PNPLA2: variants seen among roughly 807,000 people sequenced by gnomAD.
The protein encoded by PNPLA2 is patatin-like phospholipase domain-containing protein 2.
Under a neutral mutation model 39.7 loss-of-function variants are expected in PNPLA2, and 28 were observed. The observed-to-expected ratio is 0.70, with a 90% CI of 0.52 to 0.97. PNPLA2 has a LOEUF of 0.97. Ranked by LOEUF, PNPLA2 falls within the 50% of genes least tolerant of loss-of-function variation. The pLI is 0.00. For synonymous variants in PNPLA2, 392 were observed against 321.1 expected (o/e 1.22, Z -2.36); for missense variants, 768 against 698.2 (o/e 1.10, Z -1.13).
In PNPLA2 at chr11:819,688, C is replaced by T. The variant is rs371274033; in HGVS notation, c.-31C>T. 79 of 1,471,168 alleles carry T rather than the reference C, an allele frequency of 5.4e-5. 2 individuals are homozygous for T. In the East Asian group the frequency reaches 7.5e-4, roughly 14 times the overall value. The allele number at this position is 1,471,168 out of a possible 1,614,324, so 91.1% of individuals were successfully genotyped here. A position where few individuals can be genotyped will look rare whatever the true frequency, so the allele number is the denominator to read the frequency against. ...CGGCTCACAGAGGCCTGGCCGCCCACGGAACCCGGGGCCCGGCGGCCGCCG... is the reference window on the plus strand; with the variant it reads ...CGGCTCACAGAGGCCTGGCCGCCCATGGAACCCGGGGCCCGGCGGCCGCCG... On this transcript the variant is annotated 5_prime_UTR_variant, in exon 2 of 10. In the 5' UTR this introduces an upstream ATG that the reference lacks. Transcript: ENST00000336615.
Position 819,892 on chromosome 11 carries a change from C to T in PNPLA2, c.174C>T (p.Thr58=), listed in dbSNP as rs1446659947. Residue 58 remains threonine, a synonymous_variant, in exon 2 of 10, where the codon ACC becomes ACT. Coordinates refer to ENST00000336615, the MANE Select transcript of PNPLA2 (RefSeq NM_020376.4). ...AGALTATALV[T]GVCLGEAGAK... The stretch of plus-strand genomic sequence containing the variant: ...CGCTCACGGCCACGGCGCTGGTCAC[C>T]GGGGTCTGCCTGGGTGAGCGGGGCC... The T allele has an allele frequency of 4.9e-6, 7 of 1,423,048 alleles. No homozygotes were observed. Among genetic ancestry groups the T allele is most frequent in the Admixed American group, 2.8e-5 (1 of 35,476 alleles). The allele number at this position is 1,423,048 out of a possible 1,614,324, so 88.2% of individuals were successfully genotyped here.
In PNPLA2 at chr11:819,628, C is replaced by G; in HGVS notation, c.-91C>G. The G allele has an allele frequency of 7.5e-7, 1 of 1,332,608 alleles. No homozygotes were observed. Among genetic ancestry groups the G allele is most frequent in the Admixed American group, 3.5e-5 (1 of 28,678 alleles). 82.5% of individuals were successfully genotyped at this position (1,332,608 alleles called of 1,614,324 possible). A position where few individuals can be genotyped will look rare whatever the true frequency, so the allele number is the denominator to read the frequency against. The stretch of plus-strand genomic sequence containing the variant: ...AGCTAGAGCCGCAGCGGGACCTGCC[C>G]GGCCCCCGGCTCCAGCGAGCGAGCG... On this transcript the variant is annotated 5_prime_UTR_variant, in exon 2 of 10. Transcript: ENST00000336615.
chr11:819,526 G>A lies in PNPLA2; in HGVS notation c.-145-48G>A, dbSNP rs543276875. The stretch of plus-strand genomic sequence containing the variant: ...GTCTTCGTGTGCCGGCCCCGCCCCC[G>A]CCGTGAGTCCCACACTTAAAAGCGC... On this transcript the variant is annotated intron_variant, in intron 1 of 9. Coordinates refer to ENST00000336615, the MANE Select transcript of PNPLA2 (RefSeq NM_020376.4). 782 of 1,264,470 alleles carry A rather than the reference G, an allele frequency of 6.2e-4. 3 individuals carry two copies. The African/African-American group carries it at 0.011, about 18-fold the overall frequency. 78.3% of individuals were successfully genotyped at this position (1,264,470 alleles called of 1,614,324 possible).
chr11:820,009 A>G (rs1440598264), intron 2 of PNPLA2, 104 bp downstream of exon 2: 1 of 895,678 alleles, frequency 1.1e-6, no homozygotes, highest in African/African-American at 1.8e-5. Context: ...GTCGGTGGGT[A>G]CCGTGGGGAG....
intron 5 of PNPLA2, 25 bp from the exon 6 acceptor site, chr11:823,502 C>T: frequency 6.3e-7 from 1 of 1,595,692 alleles, no homozygotes. Context: ...GCTCCCTCCG[C>T]TCCATTTAAC....
Position 822,021 on chromosome 11 carries a change from G to A in PNPLA2, c.484G>A (p.Val162Met). The A allele has an allele frequency of 6.2e-7, 1 of 1,613,596 alleles. No homozygotes were observed. Among genetic ancestry groups the A allele is most frequent in the Non-Finnish European group, 8.5e-7 (1 of 1,179,750 alleles). ...GCTCATCCCTCCCTCCCTCCAGGGGGTGGTGAGTATTCCTAGCCCTGGACA... is the reference window on the plus strand; with the variant it reads ...GCTCATCCCTCCCTCCCTCCAGGGGATGGTGAGTATTCCTAGCCCTGGACA... ...CGLIPPSLQGVRYVDGGISDN... is the reference protein window; with the variant it reads ...CGLIPPSLQGMRYVDGGISDN... Residue 162 changes from valine (V) to methionine (M), a missense_variant and splice_region_variant, in exon 4 of 10, where the codon GTG becomes ATG. Transcript: ENST00000336615.
rs999906793 is a variant in PNPLA2 at position 823,679 on chromosome 11, T to C, written c.758-15T>C. On this transcript the variant is annotated splice_polypyrimidine_tract_variant and intron_variant, in intron 6 of 9. Coordinates refer to ENST00000336615, the MANE Select transcript of PNPLA2 (RefSeq NM_020376.4). The stretch of plus-strand genomic sequence containing the variant: ...GCGCTGATGAACTGAGAATCCCTTC[T>C]CTCCCCAACCCCAGGCCTCCTGAAC... 1 of 1,605,128 alleles carries C rather than the reference T, an allele frequency of 6.2e-7. No individual in the cohort carries two copies. Among genetic ancestry groups the C allele is most frequent in the Admixed American group, 1.7e-5 (1 of 59,238 alleles).
chr11:823,718 T>A lies in PNPLA2; in HGVS notation c.782T>A (p.Leu261Ter). ...GGCCTCCTGAACCGGCCCAACCCCT[T>A]GCTGGCGTTGCCCCCCGCCCGCCCC... is the stretch of plus-strand genomic sequence containing the variant. ...RNGLLNRPNP[L>*]LALPPARPHG... Residue 261 changes from leucine to a stop codon, truncating the protein, a stop_gained, in exon 7 of 10, where the codon TTG becomes TAG. Transcript: ENST00000336615. LOFTEE classifies it high-confidence loss of function. 6.2e-7 allele frequency: 1 copy of A among 1,608,172 alleles called. No homozygotes were observed. Among genetic ancestry groups the A allele is most frequent in the Non-Finnish European group, 8.5e-7 (1 of 1,177,916 alleles).
chr11:824,519 G>T lies in PNPLA2; in HGVS notation c.1176-4G>T, dbSNP rs1845808733. 6.5e-7 allele frequency: 1 copy of T among 1,546,924 alleles called. No homozygotes were observed. The highest frequency in any genetic ancestry group is 1.2e-5 in the South Asian group (1 of 84,554). On this transcript the variant is annotated splice_region_variant and splice_polypyrimidine_tract_variant and intron_variant, in intron 9 of 9. Transcript: ENST00000336615. ...GCCCTCCCTGCCGCATCCCTGCCCC[G>T]CAGGCTGCCGGAGCAGGTGGAGCTG...
rs1845849447 is a variant in PNPLA2 at position 825,159 on chromosome 11, T to C, written c.*297T>C. The C allele has an allele frequency of 5.6e-6, 3 of 539,858 alleles. No individual in the cohort carries two copies. Among genetic ancestry groups the C allele is most frequent in the Non-Finnish European group, 9.9e-6 (3 of 304,372 alleles). 33.4% of individuals were successfully genotyped at this position (539,858 alleles called of 1,614,324 possible). On this transcript the variant is annotated 3_prime_UTR_variant, in exon 10 of 10. Coordinates refer to ENST00000336615, the MANE Select transcript of PNPLA2 (RefSeq NM_020376.4). ...CCCCGTTTTTCATGGCCTGCTGAAATATGTGTGTGAAGAATTATTTATTTT... is the reference window on the plus strand; with the variant it reads ...CCCCGTTTTTCATGGCCTGCTGAAACATGTGTGTGAAGAATTATTTATTTT...
In PNPLA2 at chr11:825,088, C is replaced by T; in HGVS notation, c.*226C>T. The stretch of plus-strand genomic sequence containing the variant: ...TCCCTCCCCTGTGCTGCCCGAGCAC[C>T]TCCCCCGCCCCTTTACTCCTGAGAA... On this transcript the variant is annotated 3_prime_UTR_variant, in exon 10 of 10. Coordinates refer to ENST00000336615, the MANE Select transcript of PNPLA2 (RefSeq NM_020376.4). 5.1e-6 allele frequency: 3 copies of T among 584,304 alleles called. No homozygotes were observed. The South Asian group carries it at 6.0e-5, about 12-fold the overall frequency. 36.2% of individuals were successfully genotyped at this position (584,304 alleles called of 1,614,324 possible).
Position 819,795 on chromosome 11 carries a change from C to T in PNPLA2, c.77C>T (p.Ala26Val), listed in dbSNP as rs771863344. Residue 26 changes from alanine (A) to valine (V), a missense_variant, in exon 2 of 10, where the codon GCC becomes GTC. Ala to Val is a moderately conservative substitution (Grantham distance 64). Coordinates refer to ENST00000336615, the MANE Select transcript of PNPLA2 (RefSeq NM_020376.4). ...GFLGVYYVGV[A>V]SCLREHAPFL... The stretch of plus-strand genomic sequence containing the variant: ...CTCGGCGTCTACTACGTCGGCGTGG[C>T]CTCCTGCCTCCGCGAGCACGCGCCC... 10 of 1,509,372 alleles carry T rather than the reference C, an allele frequency of 6.6e-6. No homozygotes were observed. Among genetic ancestry groups the T allele is most frequent in the Non-Finnish European group, 8.9e-6 (10 of 1,129,564 alleles). The allele number at this position is 1,509,372 out of a possible 1,614,324, so 93.5% of individuals were successfully genotyped here.
rs1214661181 is a variant in PNPLA2, at chr11:819,613, G to A, written c.-106G>A. ...CCAGCGGGGACCCCGAGCTAGAGCC[G>A]CAGCGGGACCTGCCCGGCCCCCGGC... On this transcript the variant is annotated 5_prime_UTR_variant, in exon 2 of 10. Coordinates refer to ENST00000336615, the MANE Select transcript of PNPLA2 (RefSeq NM_020376.4). The A allele has an allele frequency of 3.1e-6, 4 of 1,289,994 alleles. No homozygotes were observed. The East Asian group carries it at 9.6e-5, about 31-fold the overall frequency. The allele number at this position is 1,289,994 out of a possible 1,614,324, so 79.9% of individuals were successfully genotyped here.
In PNPLA2 at chr11:821,719, C is replaced by T; in HGVS notation, c.279C>T (p.Ile93=). ...PLHPSFNLVK[I]IRSFLLKVLP... ...ACCCCTCCTTCAACCTGGTAAAGATCATCCGCAGTTTCCTGCTGAAGGTCC... is the reference window on the plus strand; with the variant it reads ...ACCCCTCCTTCAACCTGGTAAAGATTATCCGCAGTTTCCTGCTGAAGGTCC... Residue 93 remains isoleucine (I), a synonymous_variant, in exon 3 of 10, where the codon ATC becomes ATT. Coordinates refer to ENST00000336615, the MANE Select transcript of PNPLA2 (RefSeq NM_020376.4). The T allele has an allele frequency of 6.2e-7, 1 of 1,614,014 alleles. No individual in the cohort carries two copies. Among genetic ancestry groups the T allele is most frequent in the Non-Finnish European group, 8.5e-7 (1 of 1,180,022 alleles).
At chr11:819,332 G>T in intron 1 of PNPLA2, 1 of 847,688 alleles carries the variant, frequency 1.2e-6, no homozygotes, top group Non-Finnish European at 1.4e-6. Flanking sequence ...CCTGCGCCCA[G>T]CCCACCCTAC....
intron 2 of PNPLA2, among the ~76,000 whole-genome samples, chr11:820,259 G>C (rs1287043686): frequency 6.6e-6 from 1 of 152,230 alleles, no homozygotes; most frequent in Non-Finnish European, 1.5e-5. Context: ...ATTACAACCG[G>C]TGCCAGCGAT....
chr11:823,368 C>T (rs532434708), intron 5 of PNPLA2, among the ~76,000 whole-genome samples, 159 bp from the exon 6 acceptor site: 1 of 152,282 alleles, frequency 6.6e-6, no homozygotes, highest in African/African-American at 2.4e-5. Flanking sequence ...TCTGTCCAAC[C>T]TCCCTGTACA....
Position 821,764 on chromosome 11 carries a change from G to A in PNPLA2, c.324G>A (p.Glu108=), listed in dbSNP as rs1845670985. 2 of 1,614,002 alleles carry A rather than the reference G, an allele frequency of 1.2e-6. No homozygotes were observed. The highest frequency in any genetic ancestry group is 8.5e-7 in the Non-Finnish European group (1 of 1,180,022). Residue 108 remains glutamate (E), a synonymous_variant, in exon 3 of 10, where the codon GAG becomes GAA. Coordinates refer to ENST00000336615, the MANE Select transcript of PNPLA2 (RefSeq NM_020376.4). ...AGGTCCTGCCTGCTGATAGCCATGA[G>A]CATGCCAGTGGGCGCCTGGGCATCT... ...LLKVLPADSH[E]HASGRLGISL...
chr11:820,770 CTA>C (rs1226750601), intron 2 of PNPLA2: 2 of 152,228 alleles, frequency 1.3e-5, no homozygotes, highest in African/African-American at 4.8e-5. Flanking sequence ...GTCCCAATAA[CTA>C]GAGCTATTAT....
Sources: gnomAD v4.1 joint callset for allele counts (sites outside exome capture counted in the v4.1 genomes callset) on GRCh38, gnomAD v4.1.1 for gene constraint, MANE v1.5 for transcripts, NCBI Gene and HGNC (gene_info 2026-07-23, HGNC 2026-07-21) for gene names.